CBR4: variants seen among roughly 807,000 people sequenced by gnomAD.
The protein encoded by CBR4 is carbonyl reductase 4, also known as 3-oxoacyl-[acyl-carrier-protein] reductase.
A neutral mutation model predicts 21.0 loss-of-function variants in CBR4; 22 were observed. The ratio of observed to expected loss-of-function variants is 1.05; its 90% CI spans 0.75 to 1.50. The LOEUF is 1.50. CBR4 is among the 40% of genes most tolerant of loss of function. The pLI is 0.00. For missense variants in CBR4, 302 were observed against 286.3 expected (o/e 1.05, Z -0.40); for synonymous variants, 100 against 104.4 (o/e 0.96, Z 0.26).
intron 2 of CBR4, among the ~76,000 whole-genome samples, chr4:168,913,705 A>G (rs1277857014): frequency 6.6e-6 from 1 of 152,070 alleles, no homozygotes; most frequent in African/African-American, 2.4e-5. Flanking sequence ...GAGTTCCAAA[A>G]AAAGACCTTG....
chr4:169,000,613 T>C (rs1489380121), intron 4 of CBR4, among the ~76,000 whole-genome samples: 1 of 152,198 alleles, frequency 6.6e-6, no homozygotes, highest in Non-Finnish European at 1.5e-5. Flanking sequence ...TAAACTGCCT[T>C]TTCTTATATA....
At chr4:168,977,973 C>A (rs933680053) in intron 2 of CBR4, among the ~76,000 whole-genome samples, 46 of 152,298 alleles carry the variant, frequency 3.0e-4, no homozygotes, top group African/African-American at 1.0e-3. Flanking sequence ...ACTGTTTGAG[C>A]CCCTTTCAAC....
intron 4 of CBR4, among the ~76,000 whole-genome samples, chr4:168,997,156 A>C (rs939072953): frequency 4.6e-5 from 7 of 152,212 alleles, no homozygotes; most frequent in African/African-American, 1.7e-4. Context: ...TAAAATTTAC[A>C]GACTACCAGT....
At chr4:168,995,426 G>T (rs1356180138) in intron 4 of CBR4, among the ~76,000 whole-genome samples, 2 of 152,174 alleles carry the variant, frequency 1.3e-5, no homozygotes, top group Non-Finnish European at 1.5e-5. Context: ...TGAGATACTG[G>T]AAGGTCTCCA....
intron 2 of CBR4, among the ~76,000 whole-genome samples, chr4:168,912,397 A>T (rs1203584321): frequency 2.6e-5 from 4 of 152,162 alleles, no homozygotes; most frequent in Admixed American, 6.5e-5. Context: ...ACATCTTCTC[A>T]TTCTTCTGAG....
At chr4:168,904,265 A>T (rs1757155424) in intron 2 of CBR4, 1 of 261,724 alleles carries the variant, frequency 3.8e-6, no homozygotes, top group Non-Finnish European at 7.6e-6. Flanking sequence ...AAGAAAATAA[A>T]GGAGAAAAAG....
rs1270636783 is a variant in CBR4 at position 168,988,290 on chromosome 4, C to T, written c.*1860G>A. ...TAGGCTGGGGGAGGAGGTGGAATAG[C>T]TTAAAAGGTTATATTTCTTATTTTA... is the stretch of plus-strand genomic sequence containing the variant. On this transcript the variant is annotated 3_prime_UTR_variant, in exon 5 of 5. Coordinates refer to ENST00000306193, the MANE Select transcript of CBR4 (RefSeq NM_032783.5). The T allele has an allele frequency of 1.0e-6, 1 of 984,924 alleles. No homozygotes were observed. The highest frequency in any genetic ancestry group is 1.7e-5 in the African/African-American group (1 of 57,200). The allele number at this position is 984,924 out of a possible 1,614,324, so 61.0% of individuals were successfully genotyped here. A position where few individuals can be genotyped will look rare whatever the true frequency, so the allele number is the denominator to read the frequency against.
chr4:168,981,758 T>A (rs1764552904), intron 2 of CBR4, among the ~76,000 whole-genome samples: 2 of 152,208 alleles, frequency 1.3e-5, no homozygotes, highest in Non-Finnish European at 2.9e-5. Context: ...GGGCTTATAT[T>A]CAGCATCCTT....
downstream of CBR4, among the ~76,000 whole-genome samples, chr4:168,982,718 ACT>A (rs1305947358): frequency 6.6e-6 from 1 of 152,020 alleles, no homozygotes; most frequent in Non-Finnish European, 1.5e-5. Context: ...TACCAACCTC[ACT>A]CTCATACCAC....
rs200462897 is a variant in CBR4, at chr4:168,973,656, TCA to T, written n.169+28413_169+28414del. Among the ~76,000 whole-genome samples, 262 of 152,352 alleles carry T rather than the reference TCA, an allele frequency of 1.7e-3. 2 individuals carry two copies. The East Asian group carries it at 0.037, about 21-fold the overall frequency. ...ATTCTTCTTTGAATGTTGATAGAAT[TCA>T]GTCATGAATCCATCTGGTCCTAGCC... On this transcript the variant is annotated intron_variant and non_coding_transcript_variant, in intron 2 of 3. Transcript: ENST00000509108.
At chr4:168,954,581 C>G (rs943264798) in intron 2 of CBR4, among the ~76,000 whole-genome samples, 7 of 152,122 alleles carry the variant, frequency 4.6e-5, no homozygotes, top group Non-Finnish European at 1.0e-4. Context: ...GTACTTAAAC[C>G]ATAGCATATT....
chr4:168,950,046 T>G (rs1763497252), intron 2 of CBR4, among the ~76,000 whole-genome samples: 1 of 152,204 alleles, frequency 6.6e-6, no homozygotes, highest in South Asian at 2.1e-4. Flanking sequence ...TCAGTTTAAT[T>G]TATCTTTTCA....
rs780254000 is a variant in CBR4, at chr4:169,005,960, A to G, written c.400+795T>C. Reference sequence around the variant, plus strand: ...GAAAATAAAAAGCAGATGGTATACTATTATTTCCAAATTACCAAACTGAAA... The same window carrying G: ...GAAAATAAAAAGCAGATGGTATACTGTTATTTCCAAATTACCAAACTGAAA... On this transcript the variant is annotated intron_variant, in intron 3 of 4. Transcript: ENST00000306193. 27 of 1,178,788 alleles carry G rather than the reference A, an allele frequency of 2.3e-5. No individual in the cohort carries two copies. The South Asian group carries it at 2.9e-4, about 13-fold the overall frequency. 73.0% of individuals were successfully genotyped at this position (1,178,788 alleles called of 1,614,324 possible). A position where few individuals can be genotyped will look rare whatever the true frequency, so the allele number is the denominator to read the frequency against.
intron 2 of CBR4, chr4:168,928,114 A>T (rs918347803): frequency 4.1e-5 from 8 of 194,048 alleles, no homozygotes; most frequent in African/African-American, 1.9e-4. Flanking sequence ...CAGATGTTCT[A>T]TGCAGTGTGG....
chr4:168,914,103 A>C (rs1489682518), intron 2 of CBR4: 8 of 871,974 alleles, frequency 9.2e-6, no homozygotes, highest in Non-Finnish European at 7.7e-6. Context: ...TCATCATATG[A>C]CCACAAAAGT....
chr4:168,980,062 T>A (rs1255091795), intron 2 of CBR4, among the ~76,000 whole-genome samples: 1 of 152,052 alleles, frequency 6.6e-6, no homozygotes, highest in African/African-American at 2.4e-5. Flanking sequence ...TGTATATCCC[T>A]GGGGTGCAAC....
chr4:168,909,224 G>A (rs1055412577), intron 2 of CBR4, among the ~76,000 whole-genome samples: 3 of 152,144 alleles, frequency 2.0e-5, no homozygotes, highest in African/African-American at 7.2e-5. Flanking sequence ...AAGTTACTTT[G>A]TATTGCACTT....
chr4:168,997,376 G>A (rs1225504438), intron 4 of CBR4, among the ~76,000 whole-genome samples: 2 of 152,076 alleles, frequency 1.3e-5, no homozygotes, highest in East Asian at 3.9e-4. Context: ...TTAGGAACAG[G>A]GACACTCTTG....
intron 2 of CBR4, chr4:168,896,483 A>C: frequency 1.0e-6 from 1 of 970,482 alleles, no homozygotes; most frequent in Non-Finnish European, 1.6e-6. Context: ...AAGGAAAATT[A>C]GAAATCTTGC....
Sources: allele counts gnomAD v4.1 joint callset (sites outside exome capture counted in the v4.1 genomes callset), GRCh38; gene constraint gnomAD v4.1.1; transcripts MANE v1.5; gene names NCBI Gene and HGNC (gene_info 2026-07-23, HGNC 2026-07-21).